Variants in CLSTN2 observed in about 807,000 individuals in gnomAD.
CLSTN2 encodes calsyntenin 2, also known as calsyntenin-2.
CLSTN2 carries 48 observed loss-of-function variants against 101.2 expected under a neutral mutation model. The observed-to-expected ratio is 0.47, with a 90% CI of 0.38 to 0.60. The LOEUF (loss-of-function observed/expected upper bound fraction) is 0.60, where lower values mean the gene tolerates loss of function less well. Ranked by LOEUF, CLSTN2 falls within the 20% of genes least tolerant of loss-of-function variation. The probability of loss-of-function intolerance (pLI) is 0.00; values close to 1 mark genes in which losing one functional copy is unlikely to be tolerated. For missense variants in CLSTN2, 1,160 were observed against 1,238.2 expected, an observed-to-expected ratio of 0.94 and a Z score of 0.95; for synonymous variants, 481 against 463.6, an observed-to-expected ratio of 1.04 and a Z score of -0.48.
At chr3:140,293,864 A>G (rs1301086483) in intron 2 of CLSTN2, among the ~76,000 whole-genome samples, 1 of 152,110 alleles carries the variant, frequency 6.6e-6, no homozygotes, top group Admixed American at 6.5e-5. Flanking sequence ...TGTCTACACT[A>G]TATTCTTTCT....
intron 8 of CLSTN2, among the ~76,000 whole-genome samples, chr3:140,493,395 T>A (rs1934389852): frequency 1.3e-5 from 2 of 152,204 alleles, no homozygotes; most frequent in African/African-American, 2.4e-5. Context: ...CAAGAATCAT[T>A]TACAGGCAAT....
At chr3:140,519,520 T>C (rs1052588870) in intron 8 of CLSTN2, among the ~76,000 whole-genome samples, 1 of 152,262 alleles carries the variant, frequency 6.6e-6, no homozygotes, top group African/African-American at 2.4e-5. Context: ...TTCTCCTGTA[T>C]TGAGTGCATA....
chr3:140,250,322 C>T (rs550188811), intron 2 of CLSTN2, among the ~76,000 whole-genome samples: 3 of 152,160 alleles, frequency 2.0e-5, no homozygotes, highest in Non-Finnish European at 4.4e-5. Context: ...GGAATCCATA[C>T]ATCAAGGCCT....
chr3:140,263,897 A>G (rs1266876370), intron 2 of CLSTN2, among the ~76,000 whole-genome samples: 2 of 152,194 alleles, frequency 1.3e-5, no homozygotes, highest in Non-Finnish European at 2.9e-5. Context: ...TATAAGTACC[A>G]TATTTAATAT....
At chr3:140,375,976 C>CA (rs1350328591) in intron 2 of CLSTN2, among the ~76,000 whole-genome samples, 3 of 152,072 alleles carry the variant, frequency 2.0e-5, no homozygotes, top group East Asian at 1.9e-4. Context: ...AGAAAAATAT[C>CA]AAAAAAAGAA....
chr3:140,171,852 TA>T (rs2010240173), intron 1 of CLSTN2, among the ~76,000 whole-genome samples: 2 of 120,674 alleles, frequency 1.7e-5, no homozygotes, highest in East Asian at 2.1e-4. Flanking sequence ...ATATAATATA[TA>T]TATTATATAA....
rs113584098 is a variant in CLSTN2 at position 140,547,271 on chromosome 3, C to T, written c.1674+590C>T. Among the ~76,000 whole-genome samples, 802 of 148,998 alleles carry T rather than the reference C, an allele frequency of 5.4e-3. 7 individuals carry two copies. Among genetic ancestry groups the T allele is most frequent in the Non-Finnish European group, 7.8e-3 (529 of 67,698 alleles). On this transcript the variant is annotated intron_variant, in intron 10 of 16. Coordinates refer to ENST00000458420, the MANE Select transcript of CLSTN2 (RefSeq NM_022131.3). The stretch of plus-strand genomic sequence containing the variant: ...CAGGTGGATCACAAGGTCAGTAGTT[C>T]GAGACCAGCCTGACCAACATGGTGA...
intron 2 of CLSTN2, among the ~76,000 whole-genome samples, chr3:140,232,648 C>T (rs1285280783): frequency 1.3e-5 from 2 of 152,158 alleles, no homozygotes; most frequent in African/African-American, 4.8e-5. Flanking sequence ...GTTCCAGACA[C>T]TCAAAGTCAG....
intron 2 of CLSTN2, among the ~76,000 whole-genome samples, chr3:140,341,048 G>T (rs767696884): frequency 6.6e-6 from 1 of 152,136 alleles, no homozygotes; most frequent in East Asian, 1.9e-4. Context: ...TGACCACCTG[G>T]TTGAGGTAGT....
Position 140,256,710 on chromosome 3 carries a change from C to T in CLSTN2, c.232+80637C>T, listed in dbSNP as rs998347797. 2.6e-5 allele frequency among the ~76,000 whole-genome samples: 4 copies of T among 152,082 alleles called. No individual in the cohort carries two copies. The East Asian group carries it at 7.7e-4, about 29-fold the overall frequency. On this transcript the variant is annotated intron_variant, in intron 2 of 16. Transcript: ENST00000458420. Reference sequence around the variant, plus strand: ...TACTTCCTTTTTGAACTGGGGTGTCCCCAGGATAAAAAATTTCTGATTGAG... The same window carrying T: ...TACTTCCTTTTTGAACTGGGGTGTCTCCAGGATAAAAAATTTCTGATTGAG...
chr3:140,415,486 CAAAAAAAAAAAAAA>C (rs751616049), intron 4 of CLSTN2, among the ~76,000 whole-genome samples: 1 of 56,868 alleles, frequency 1.8e-5, no homozygotes, highest in Admixed American at 2.4e-4. Flanking sequence ...CACAAAATAG[CAAAAAAAAAAAAAA>C]AAAAAAAAAA....
rs79068679 is a variant in CLSTN2, at chr3:140,204,524, T to C, written c.232+28451T>C. On this transcript the variant is annotated intron_variant, in intron 2 of 16. Coordinates refer to ENST00000458420, the MANE Select transcript of CLSTN2 (RefSeq NM_022131.3). The stretch of plus-strand genomic sequence containing the variant: ...AAATTAGCTGTTGGAATTATTTGCA[T>C]GTGTATGTGTTTGTTTTTGTGTTAA... Among the ~76,000 whole-genome samples the C allele has an allele frequency of 3.1e-3, 473 of 152,352 alleles. 19 individuals carry two copies. The East Asian group carries it at 0.065, about 21-fold the overall frequency.
intron 1 of CLSTN2, among the ~76,000 whole-genome samples, chr3:139,990,706 A>G (rs1383768186): frequency 6.6e-6 from 1 of 152,240 alleles, no homozygotes; most frequent in Non-Finnish European, 1.5e-5. Context: ...TGTGACACAG[A>G]TAGGCTAGGA....
chr3:140,236,299 T>C (rs2086416141), intron 2 of CLSTN2, among the ~76,000 whole-genome samples: 1 of 152,230 alleles, frequency 6.6e-6, no homozygotes, highest in African/African-American at 2.4e-5. Flanking sequence ...AAGATGTTGT[T>C]CCACTGTCTT....
intron 2 of CLSTN2, among the ~76,000 whole-genome samples, chr3:140,191,904 CCTT>C (rs2010570891): frequency 6.6e-6 from 1 of 151,306 alleles, no homozygotes; most frequent in Admixed American, 6.6e-5. Context: ...CTTATTTTGC[CCTT>C]CTTTACCTAG....
At chr3:139,964,857 G>T (rs1183953864) in intron 1 of CLSTN2, among the ~76,000 whole-genome samples, 2 of 152,086 alleles carry the variant, frequency 1.3e-5, no homozygotes, top group Non-Finnish European at 2.9e-5. Flanking sequence ...TTTACCTCCC[G>T]GCCACACATC....
chr3:140,041,120 C>T (rs1456503470), intron 1 of CLSTN2, among the ~76,000 whole-genome samples: 2 of 152,140 alleles, frequency 1.3e-5, no homozygotes, highest in South Asian at 2.1e-4. Context: ...ACGTTAAATC[C>T]GGAGAGCAGT....
chr3:140,352,349 C>T (rs1163445097), intron 2 of CLSTN2, among the ~76,000 whole-genome samples: 5 of 152,168 alleles, frequency 3.3e-5, no homozygotes, highest in Non-Finnish European at 7.4e-5. Context: ...CAGTTTCTTC[C>T]CATTACAATA....
chr3:140,157,466 G>A (rs566646938), intron 1 of CLSTN2, among the ~76,000 whole-genome samples: 1 of 152,210 alleles, frequency 6.6e-6, no homozygotes, highest in East Asian at 1.9e-4. Flanking sequence ...GTTCAATCTT[G>A]GGAGGCTGTG....
Sources: allele counts gnomAD v4.1 joint callset (sites outside exome capture counted in the v4.1 genomes callset), GRCh38; gene constraint gnomAD v4.1.1; transcripts MANE v1.5; gene names NCBI Gene and HGNC (gene_info 2026-07-23, HGNC 2026-07-21).